Variants in CNTN6 observed in about 807,000 individuals in gnomAD.
CNTN6 encodes the protein contactin-6.
A neutral mutation model predicts 122.8 loss-of-function variants in CNTN6; 137 were observed. The observed-to-expected ratio is 1.12, with a 90% CI of 0.97 to 1.29. The LOEUF (loss-of-function observed/expected upper bound fraction) is 1.29. Among genes scored for constraint, CNTN6 ranks in the 50% most tolerant of loss-of-function variants. The pLI, the probability that CNTN6 is intolerant of heterozygous loss-of-function variation, is 0.00. For synonymous variants in CNTN6, 570 were observed against 426.0 expected (o/e 1.34, Z -4.16); for missense variants, 1,634 against 1,223.4 (o/e 1.34, Z -5.01).
chr3:1,131,869 A>T (rs2092345232), intron 1 of CNTN6, among the ~76,000 whole-genome samples: 1 of 152,052 alleles, frequency 6.6e-6, no homozygotes, highest in Admixed American at 6.6e-5. Flanking sequence ...TGAAGGAAAA[A>T]TGTAGCCGTA....
intron 7 of CNTN6, among the ~76,000 whole-genome samples, chr3:1,303,134 C>T (rs989362073): frequency 2.0e-5 from 3 of 152,094 alleles, no homozygotes; most frequent in African/African-American, 7.2e-5. Context: ...TCTGTGCTTA[C>T]ATTATCCATT....
At chr3:1,291,207 A>C (rs984556719) in intron 5 of CNTN6, among the ~76,000 whole-genome samples, 16 of 152,214 alleles carry the variant, frequency 1.1e-4, no homozygotes, top group African/African-American at 3.9e-4. Context: ...AGTTGCTGGC[A>C]TGATGAAATA....
At chr3:1,351,553 GTT>G (rs5846109) in intron 11 of CNTN6, among the ~76,000 whole-genome samples, 3,577 of 138,526 alleles carry the variant, frequency 0.026, 52 homozygotes, top group Non-Finnish European at 0.033. Flanking sequence ...AAATCTCAGG[GTT>G]TTTTTTTTTT....
At chr3:1,337,926 C>T (rs1703302590) in intron 11 of CNTN6, among the ~76,000 whole-genome samples, 3 of 152,078 alleles carry the variant, frequency 2.0e-5, no homozygotes, top group African/African-American at 7.2e-5. Flanking sequence ...CCACTGACCT[C>T]CACTGATCTG....
intron 7 of CNTN6, among the ~76,000 whole-genome samples, chr3:1,305,027 T>C (rs1242709539): frequency 6.7e-6 from 1 of 150,060 alleles, no homozygotes; most frequent in Non-Finnish European, 1.5e-5. Context: ...GATAAACTTG[T>C]AAAAATTCAA....
At chr3:1,236,105 C>T (rs1476215427) in intron 4 of CNTN6, among the ~76,000 whole-genome samples, 2 of 152,066 alleles carry the variant, frequency 1.3e-5, no homozygotes, top group Non-Finnish European at 2.9e-5. Flanking sequence ...TTATCCCTAT[C>T]CCAGTCTGGT....
At chr3:1,241,384 C>G (rs999664856) in intron 4 of CNTN6, among the ~76,000 whole-genome samples, 1 of 151,860 alleles carries the variant, frequency 6.6e-6, no homozygotes, top group Non-Finnish European at 1.5e-5. Flanking sequence ...GTGTGGGAAC[C>G]TAGAGTGGGA....
chr3:1,286,444 G>T (rs138286654), intron 5 of CNTN6, among the ~76,000 whole-genome samples: 2 of 152,002 alleles, frequency 1.3e-5, no homozygotes, highest in Non-Finnish European at 2.9e-5. Context: ...GAAAACCTGC[G>T]GTGTTTGGTT....
intron 1 of CNTN6, among the ~76,000 whole-genome samples, chr3:1,102,979 G>A (rs111437753): frequency 3.5e-4 from 53 of 150,950 alleles, no homozygotes; most frequent in African/African-American, 1.1e-3. Context: ...TGGTGGCGGC[G>A]CCTGTGGTCC....
At chr3:1,390,565 C>G (rs1035673303) in intron 20 of CNTN6, among the ~76,000 whole-genome samples, 2 of 152,058 alleles carry the variant, frequency 1.3e-5, no homozygotes, top group African/African-American at 4.8e-5. Flanking sequence ...AAAATCAGAG[C>G]ACAACTGAAG....
intron 4 of CNTN6, among the ~76,000 whole-genome samples, chr3:1,235,164 T>C (rs929242019): frequency 6.6e-6 from 1 of 152,158 alleles, no homozygotes; most frequent in African/African-American, 2.4e-5. Flanking sequence ...TCTTTTTAGT[T>C]CATTTGAATA....
At chr3:1,245,225 T>TATACACACAC (rs1559595416) in intron 4 of CNTN6, among the ~76,000 whole-genome samples, 2 of 17,244 alleles carry the variant, frequency 1.2e-4, no homozygotes, top group Admixed American at 6.5e-4. Context: ...TATATATATA[T>TATACACACAC]ATATATATAT....
intron 4 of CNTN6, among the ~76,000 whole-genome samples, chr3:1,253,484 C>T (rs898526510): frequency 2.0e-5 from 3 of 152,130 alleles, no homozygotes; most frequent in African/African-American, 7.2e-5. Context: ...ATTTTGTCTG[C>T]TAATTACATA....
chr3:1,231,002 T>C (rs2094346181), intron 4 of CNTN6, among the ~76,000 whole-genome samples: 1 of 152,192 alleles, frequency 6.6e-6, no homozygotes, highest in Non-Finnish European at 1.5e-5. Context: ...ATATCCCTTT[T>C]TGCATTTCAT....
intron 12 of CNTN6, among the ~76,000 whole-genome samples, chr3:1,353,291 A>G (rs993050447): frequency 1.3e-5 from 2 of 151,688 alleles, no homozygotes; most frequent in Non-Finnish European, 3.0e-5. Flanking sequence ...GTGCTTTCTC[A>G]TCTTTTCCAT....
At chr3:1,241,296 T>C (rs1271302165) in intron 4 of CNTN6, among the ~76,000 whole-genome samples, 4 of 137,226 alleles carry the variant, frequency 2.9e-5, no homozygotes, top group Non-Finnish European at 4.8e-5. Context: ...AGTGTTGGGG[T>C]GGTGAAAATT....
chr3:1,252,458 T>C (rs1218079678), intron 4 of CNTN6, among the ~76,000 whole-genome samples: 1 of 152,188 alleles, frequency 6.6e-6, no homozygotes, highest in Non-Finnish European at 1.5e-5. Context: ...ATTAGTAGAT[T>C]CTTCTAAAAT....
intron 4 of CNTN6, among the ~76,000 whole-genome samples, chr3:1,243,721 G>T (rs544311350): frequency 6.6e-6 from 1 of 152,160 alleles, no homozygotes; most frequent in Non-Finnish European, 1.5e-5. Flanking sequence ...AGAGTAAATT[G>T]CTCGGCAGGT....
chr3:1,220,389 T>TG (rs1198382794), intron 2 of CNTN6, among the ~76,000 whole-genome samples: 1 of 152,000 alleles, frequency 6.6e-6, no homozygotes, highest in Non-Finnish European at 1.5e-5. Context: ...AAATGGGAAA[T>TG]GGGACCTGAA....
Sources: allele counts gnomAD v4.1 joint callset (sites outside exome capture counted in the v4.1 genomes callset), GRCh38; gene constraint gnomAD v4.1.1; transcripts MANE v1.5; gene names NCBI Gene and HGNC (gene_info 2026-07-23, HGNC 2026-07-21).